Variants in MGAT4C observed in about 807,000 individuals in gnomAD.
MGAT4C encodes alpha-1,3-mannosyl-glycoprotein 4-beta-N-acetylglucosaminyltransferase C.
A neutral mutation model predicts 40.1 loss-of-function variants in MGAT4C; 19 were observed. The ratio of observed to expected loss-of-function variants is 0.47; its 90% CI spans 0.33 to 0.70. The LOEUF is 0.70. Ranked by LOEUF, MGAT4C falls within the 30% of genes least tolerant of loss-of-function variation. The pLI is 0.02. For synonymous variants in MGAT4C, 181 were observed against 187.1 expected (o/e 0.97, Z 0.27); for missense variants, 491 against 563.2 (o/e 0.87, Z 1.30).
At chr12:86,782,268 G>A (rs1247672480) in intron 1 of MGAT4C, among the ~76,000 whole-genome samples, 2 of 123,250 alleles carry the variant, frequency 1.6e-5, no homozygotes, top group African/African-American at 3.0e-5. Context: ...TGCAAGCTCC[G>A]CCTCCCGGGT....
At chr12:86,483,201 AG>A (rs1257355176) in intron 2 of MGAT4C, among the ~76,000 whole-genome samples, 2 of 152,186 alleles carry the variant, frequency 1.3e-5, no homozygotes, top group East Asian at 3.9e-4. Context: ...TCATGAGGGT[AG>A]TACCCTCATA....
intron 2 of MGAT4C, among the ~76,000 whole-genome samples, chr12:86,490,373 T>A (rs1221461808): frequency 6.6e-6 from 1 of 151,972 alleles, no homozygotes; most frequent in Non-Finnish European, 1.5e-5. Context: ...AAGCAAATGC[T>A]GAGAGATTTT....
chr12:86,622,959 C>T (rs1468777557), intron 2 of MGAT4C, among the ~76,000 whole-genome samples: 1 of 152,068 alleles, frequency 6.6e-6, no homozygotes, highest in Non-Finnish European at 1.5e-5. Flanking sequence ...AAAAACAAAA[C>T]TCCCAGAGCC....
chr12:86,779,018 A>G (rs1352179577), intron 1 of MGAT4C, among the ~76,000 whole-genome samples: 5 of 151,054 alleles, frequency 3.3e-5, no homozygotes, highest in Non-Finnish European at 5.9e-5. Context: ...CACTAAAAAA[A>G]AAAAAACAAC....
At position 86,458,281 on chromosome 12, in the gene MGAT4C, T is replaced by C. The variant is rs554622783; in HGVS notation, c.-228-23016A>G. ...TGTTCTACATCTCCATCAAGTTGTC[T>C]AGCCTTCACTGGCTCAGATGCCTAA... On this transcript the variant is annotated intron_variant, in intron 2 of 7. Coordinates refer to the MGAT4C transcript ENST00000548651. Among the ~76,000 whole-genome samples, 3 of 152,318 alleles carry C rather than the reference T, an allele frequency of 2.0e-5. No individual in the cohort carries two copies. The South Asian group carries it at 6.2e-4, about 32-fold the overall frequency.
intron 4 of MGAT4C, among the ~76,000 whole-genome samples, chr12:86,278,214 T>C (rs1247421507): frequency 6.6e-6 from 1 of 150,496 alleles, no homozygotes; most frequent in Non-Finnish European, 1.5e-5. Context: ...AGTTTTGATC[T>C]TGTTGCCCAG....
intron 3 of MGAT4C, among the ~76,000 whole-genome samples, chr12:86,375,699 C>T (rs1428665617): frequency 1.3e-5 from 2 of 151,734 alleles, no homozygotes; most frequent in Non-Finnish European, 2.9e-5. Context: ...TAAACTAAAT[C>T]ATAAAATAAG....
intron 3 of MGAT4C, among the ~76,000 whole-genome samples, chr12:86,397,079 T>C (rs1956275910): frequency 6.6e-6 from 1 of 152,126 alleles, no homozygotes. Flanking sequence ...CATTTTATTA[T>C]TATATTGATT....
At chr12:86,255,217 T>C (rs1160295039) in intron 1 of MGAT4C, among the ~76,000 whole-genome samples, 1 of 152,154 alleles carries the variant, frequency 6.6e-6, no homozygotes, top group Non-Finnish European at 1.5e-5. Context: ...ATTACACTTT[T>C]CTGTGGCTTT....
At chr12:86,816,687 T>C (rs1234391179) in intron 1 of MGAT4C, among the ~76,000 whole-genome samples, 1 of 151,728 alleles carries the variant, frequency 6.6e-6, no homozygotes, top group African/African-American at 2.4e-5. Flanking sequence ...GTGGGTTTTG[T>C]ATTAGTGTGA....
chr12:86,332,718 A>C (rs892520161), intron 4 of MGAT4C, among the ~76,000 whole-genome samples: 2 of 152,052 alleles, frequency 1.3e-5, no homozygotes, highest in Admixed American at 6.6e-5. Flanking sequence ...TAATGAGCTT[A>C]AGTAAATATC....
chr12:86,050,719 C>T (rs936367980), intron 1 of MGAT4C, among the ~76,000 whole-genome samples: 2 of 152,002 alleles, frequency 1.3e-5, no homozygotes, highest in African/African-American at 2.4e-5. Context: ...ACAACACCTC[C>T]ATTGGAATTT....
At chr12:86,490,157 T>A (rs1205400551) in intron 2 of MGAT4C, among the ~76,000 whole-genome samples, 2 of 152,060 alleles carry the variant, frequency 1.3e-5, no homozygotes, top group African/African-American at 2.4e-5. Flanking sequence ...GAAAAAATGT[T>A]AAGGGCAGCC....
chr12:86,162,495 G>C (rs1885704183), intron 1 of MGAT4C, among the ~76,000 whole-genome samples: 2 of 152,200 alleles, frequency 1.3e-5, no homozygotes, highest in African/African-American at 4.8e-5. Flanking sequence ...GACAACTAGA[G>C]GGTGGAGGGG....
intron 1 of MGAT4C, among the ~76,000 whole-genome samples, chr12:86,155,573 T>C (rs1483012859): frequency 6.6e-6 from 1 of 152,330 alleles, no homozygotes; most frequent in East Asian, 1.9e-4. Context: ...GGAGAGATGG[T>C]GGCATTATTT....
intron 4 of MGAT4C, among the ~76,000 whole-genome samples, chr12:86,304,521 A>G (rs1953888741): frequency 6.6e-6 from 1 of 150,746 alleles, no homozygotes; most frequent in Admixed American, 6.6e-5. Flanking sequence ...AGAAGAAATG[A>G]CCAAGCTTTT....
chr12:86,764,661 G>C (rs1007869904), intron 1 of MGAT4C, among the ~76,000 whole-genome samples: 2 of 151,638 alleles, frequency 1.3e-5, no homozygotes, highest in Admixed American at 6.6e-5. Flanking sequence ...ACTCCTCTGA[G>C]ACAAAACTTC....
At chr12:86,188,458 T>C (rs1318393248) in intron 1 of MGAT4C, among the ~76,000 whole-genome samples, 2 of 151,916 alleles carry the variant, frequency 1.3e-5, no homozygotes, top group Non-Finnish European at 2.9e-5. Context: ...TCTTTCCCTC[T>C]CTGTGGTCCC....
chr12:86,337,913 G>A (rs914236046), intron 3 of MGAT4C, among the ~76,000 whole-genome samples: 3 of 152,248 alleles, frequency 2.0e-5, no homozygotes, highest in African/African-American at 2.4e-5. Flanking sequence ...TAAGAGAATT[G>A]TTTAATCAAG....
Sources: allele counts gnomAD v4.1 joint callset (sites outside exome capture counted in the v4.1 genomes callset), GRCh38; gene constraint gnomAD v4.1.1; transcripts MANE v1.5; gene names NCBI Gene and HGNC (gene_info 2026-07-23, HGNC 2026-07-21).